Variants in BIRC6 observed in about 807,000 individuals in gnomAD.
BIRC6 encodes dual E2 ubiquitin-conjugating enzyme/E3 ubiquitin-protein ligase BIRC6.
A neutral mutation model predicts 503.3 loss-of-function variants in BIRC6; 98 were observed. The ratio of observed to expected loss-of-function variants is 0.19; its 90% confidence interval spans 0.17 to 0.23. The LOEUF (loss-of-function observed/expected upper bound fraction) is 0.23, where lower values mean the gene tolerates loss of function less well. BIRC6 is among the 10% of genes least tolerant of loss of function. The probability of loss-of-function intolerance (pLI) is 1.00; values close to 1 mark genes in which losing one functional copy is unlikely to be tolerated. For synonymous variants in BIRC6, 2,240 were observed against 2,078.7 expected, an observed-to-expected ratio of 1.08 and a Z score of -2.11; for missense variants, 5,360 against 5,806.0, an observed-to-expected ratio of 0.92 and a Z score of 2.50.
chr2:32,446,841 G>GT (rs1286639022), intron 21 of BIRC6, among the ~76,000 whole-genome samples: 1 of 123,524 alleles, frequency 8.1e-6, no homozygotes, highest in African/African-American at 3.2e-5. Flanking sequence ...TGGAGGGAAG[G>GT]TCAGCAGATA....
chr2:32,505,638 T>C (rs1003305381), intron 50 of BIRC6, among the ~76,000 whole-genome samples: 3 of 152,192 alleles, frequency 2.0e-5, no homozygotes, highest in African/African-American at 7.2e-5. Flanking sequence ...TTGAATAATA[T>C]TATATTTTGA....
At chr2:32,522,674 T>G (rs2055851207) in intron 57 of BIRC6, 1 of 152,204 alleles carries the variant, frequency 6.6e-6, no homozygotes, top group Non-Finnish European at 1.5e-5. Context: ...TCCTTATGAG[T>G]ACTCTGTTAG....
chr2:32,611,968 TG>T (rs1442359088), intron 73 of BIRC6, among the ~76,000 whole-genome samples: 2 of 152,194 alleles, frequency 1.3e-5, no homozygotes, highest in East Asian at 3.8e-4. Flanking sequence ...CTTGAACTCC[TG>T]GGCTCAAGCA....
At chr2:32,397,376 G>T (rs537597885) in intron 6 of BIRC6, among the ~76,000 whole-genome samples, 1 of 152,012 alleles carries the variant, frequency 6.6e-6, no homozygotes, top group Admixed American at 6.6e-5. Context: ...GGAGGGTGAG[G>T]CAGGAGAATC....
At chr2:32,430,825 TTC>T (rs1491212099) in intron 11 of BIRC6, 38 bp from the exon 12 acceptor site, 55 of 1,044,636 alleles carry the variant, frequency 5.3e-5, no homozygotes, top group Admixed American at 3.9e-4. Context: ...TTTTTTTTTT[TTC>T]CACACCTATT....
intron 61 of BIRC6, among the ~76,000 whole-genome samples, chr2:32,537,430 A>G (rs142595524): frequency 9.8e-4 from 149 of 152,334 alleles, no homozygotes; most frequent in African/African-American, 3.5e-3. Flanking sequence ...CCACAGTGCA[A>G]TCAAACTAGA....
At chr2:32,423,141 G>C (rs970090016) in intron 10 of BIRC6, among the ~76,000 whole-genome samples, 19 of 152,138 alleles carry the variant, frequency 1.2e-4, no homozygotes, top group Non-Finnish European at 1.9e-4. Context: ...TATTGGCCAG[G>C]CTGGTCTCTA....
intron 32 of BIRC6, 27 bp from the exon 33 acceptor site, chr2:32,473,085 T>G: frequency 6.5e-7 from 1 of 1,530,764 alleles, no homozygotes; most frequent in Non-Finnish European, 8.8e-7. Context: ...AACAGAATTA[T>G]TAATACAAGT....
intron 64 of BIRC6, 86 bp downstream of exon 64, chr2:32,548,100 T>A (rs781075296): frequency 8.1e-7 from 1 of 1,236,408 alleles, no homozygotes; most frequent in Non-Finnish European, 1.1e-6. Context: ...AATCCAACTT[T>A]CCTCAGCTAT....
chr2:32,596,511 T>A (rs1245056767), intron 68 of BIRC6, among the ~76,000 whole-genome samples: 1 of 150,814 alleles, frequency 6.6e-6, no homozygotes, highest in Non-Finnish European at 1.5e-5. Flanking sequence ...ATTATCTCAC[T>A]CTTTACATGG....
Position 32,464,869 on chromosome 2 carries a change from T to C in BIRC6, c.5256+46T>C, listed in dbSNP as rs372375190. 5.8e-6 allele frequency: 9 copies of C among 1,540,164 alleles called. No homozygotes were observed. The Admixed American group carries it at 6.3e-5, about 11-fold the overall frequency. On this transcript the variant is annotated intron_variant, in intron 25 of 73. Transcript: ENST00000421745. ...GTGTTGGCTTAGACATTTAAAAATA[T>C]CTTGAAATATACTCTAACTTTAGAA...
In BIRC6 at chr2:32,617,925, A is replaced by G. The variant is rs1437704328; in HGVS notation, c.*21A>G. On this transcript the variant is annotated 3_prime_UTR_variant, in exon 74 of 74. Transcript: ENST00000421745. ...TATGAGCTGCATTGATGTGGACTTCATAGACACAAAGGCTTCGAAGCACAA... is the reference window on the plus strand; with the variant it reads ...TATGAGCTGCATTGATGTGGACTTCGTAGACACAAAGGCTTCGAAGCACAA... 3 of 1,593,880 alleles carry G rather than the reference A, an allele frequency of 1.9e-6. No homozygotes were observed. Among genetic ancestry groups the G allele is most frequent in the South Asian group, 1.1e-5 (1 of 89,554 alleles).
Position 32,357,298 on chromosome 2 carries a change from G to C in BIRC6, c.137G>C (p.Gly46Ala), listed in dbSNP as rs1440660599. 2 of 1,526,198 alleles carry C rather than the reference G, an allele frequency of 1.3e-6. No individual in the cohort carries two copies. The highest frequency in any genetic ancestry group is 5.2e-5 in the East Asian group (2 of 38,462). 94.5% of individuals were successfully genotyped at this position (1,526,198 alleles called of 1,614,324 possible). The change falls in exon 1 of 74, where the codon GGG (glycine) becomes GCG (alanine). Residue 46 changes from glycine to alanine, a missense_variant. By Grantham distance (60) the Gly-to-Ala change is moderately conservative. Coordinates refer to ENST00000421745, the MANE Select transcript of BIRC6 (RefSeq NM_016252.4). The surrounding 1 kb of genome is among the most constrained non-coding windows in gnomAD (Gnocchi z 4.9). ...ASGPGCSSAA[G>A]AGAAGVSEWL... ...GGCCCCGGCTGCTCCTCGGCGGCGG[G>C]GGCGGGGGCGGCCGGGGTCTCAGAG...
At position 32,473,221 on chromosome 2, in the gene BIRC6, G is replaced by GGTA; in HGVS notation, c.6702_6703insGTA (p.Gln2234_Leu2235insVal). On this transcript the variant is annotated inframe_insertion, in exon 33 of 74. Coordinates refer to ENST00000421745, the MANE Select transcript of BIRC6 (RefSeq NM_016252.4). The stretch of plus-strand genomic sequence containing the variant: ...TATATTCCAGAAAAATCAGAAAGCA[G>GGTA]CTTGTTCATCATAAACAGGTAATTG... 1 of 1,544,404 alleles carries GGTA rather than the reference G, an allele frequency of 6.5e-7. No homozygotes were observed. The highest frequency in any genetic ancestry group is 8.7e-7 in the Non-Finnish European group (1 of 1,143,940).
chr2:32,414,482 C>T (rs987688698), intron 9 of BIRC6, among the ~76,000 whole-genome samples: 1 of 151,892 alleles, frequency 6.6e-6, no homozygotes, highest in African/African-American at 2.4e-5. Flanking sequence ...TCCTGGACAA[C>T]ATGGTGAAAC....
At chr2:32,478,263 G>C (rs926386620) in intron 35 of BIRC6, among the ~76,000 whole-genome samples, 1 of 151,952 alleles carries the variant, frequency 6.6e-6, no homozygotes, top group African/African-American at 2.4e-5. Flanking sequence ...CTTGAACCTG[G>C]GGGCGATGAG....
Position 32,386,601 on chromosome 2 carries a change from C to T in BIRC6, c.646-2149C>T, listed in dbSNP as rs145485731. ...CTGGGATGACAAGTGCATGCCATCACGCCTGGCTGTTATTTTTTAGTAGAG... is the reference window on the plus strand; with the variant it reads ...CTGGGATGACAAGTGCATGCCATCATGCCTGGCTGTTATTTTTTAGTAGAG... On this transcript the variant is annotated intron_variant, in intron 3 of 73. Coordinates refer to ENST00000421745, the MANE Select transcript of BIRC6 (RefSeq NM_016252.4). Among the ~76,000 whole-genome samples, 818 of 152,146 alleles carry T rather than the reference C, an allele frequency of 5.4e-3. 11 individuals carry two copies. Among genetic ancestry groups the T allele is most frequent in the African/African-American group, 0.019 (771 of 41,500 alleles).
At chr2:32,439,477 T>C in intron 15 of BIRC6, 31 bp from the exon 16 acceptor site, 1 of 1,585,476 alleles carries the variant, frequency 6.3e-7, no homozygotes, top group Non-Finnish European at 8.6e-7. Context: ...GGTGATTCAG[T>C]TATTTTCCCC....
At chr2:32,459,188 G>A (rs1196158912) in intron 23 of BIRC6, among the ~76,000 whole-genome samples, 2 of 151,956 alleles carry the variant, frequency 1.3e-5, no homozygotes, top group Non-Finnish European at 2.9e-5. Context: ...ATCCATTAGC[G>A]TTTTCTCCCA....
Sources: gnomAD v4.1 joint callset for allele counts (sites outside exome capture counted in the v4.1 genomes callset) on GRCh38, gnomAD v4.1.1 for gene constraint, Gnocchi (gnomAD v3.1) non-coding constraint, MANE v1.5 for transcripts, NCBI Gene and HGNC (gene_info 2026-07-23, HGNC 2026-07-21) for gene names.